Variants in ITPR1 observed in about 807,000 individuals in gnomAD.
ITPR1 encodes inositol 1,4,5-trisphosphate-gated calcium channel ITPR1.
Under a neutral mutation model 318.4 loss-of-function variants are expected in ITPR1, and 96 were observed. The ratio of observed to expected loss-of-function variants is 0.30; its 90% CI spans 0.26 to 0.36. The LOEUF (loss-of-function observed/expected upper bound fraction) is 0.36. Among genes scored for constraint, ITPR1 ranks in the 10% least tolerant of loss-of-function variants. The pLI, the probability that ITPR1 is intolerant of heterozygous loss-of-function variation, is 1.00. For synonymous variants in ITPR1, 1,312 were observed against 1,289.9 expected (o/e 1.02, Z -0.37); for missense variants, 2,440 against 3,460.2 (o/e 0.71, Z 7.40).
intron 37 of ITPR1, among the ~76,000 whole-genome samples, chr3:4,708,625 A>G (rs2094807624): frequency 1.3e-5 from 2 of 152,236 alleles, no homozygotes; most frequent in Admixed American, 6.5e-5. Context: ...ACTATCTGCA[A>G]TCAAACATGC....
At chr3:4,519,340 C>T (rs1420403358) in intron 3 of ITPR1, among the ~76,000 whole-genome samples, 1 of 152,210 alleles carries the variant, frequency 6.6e-6, no homozygotes, top group Non-Finnish European at 1.5e-5. Flanking sequence ...AATTCATCTG[C>T]CTCAGCCTCC....
At chr3:4,633,704 T>C (rs900250296) in intron 5 of ITPR1, among the ~76,000 whole-genome samples, 1 of 152,228 alleles carries the variant, frequency 6.6e-6, no homozygotes, top group Non-Finnish European at 1.5e-5. Context: ...GCAAATCACA[T>C]AAATTTCTTC....
intron 4 of ITPR1, among the ~76,000 whole-genome samples, chr3:4,538,468 C>T (rs1341486900): frequency 6.6e-6 from 1 of 152,178 alleles, no homozygotes; most frequent in African/African-American, 2.4e-5. Context: ...TTAGTTCAAT[C>T]ATCATGGAAG....
chr3:4,812,874 AG>A (rs2049030566), intron 56 of ITPR1, among the ~76,000 whole-genome samples: 1 of 152,180 alleles, frequency 6.6e-6, no homozygotes, highest in Non-Finnish European at 1.5e-5. Context: ...TCTGTCTAAG[AG>A]TTTCAGCTGT....
Position 4,766,604 on chromosome 3 carries a change from G to T in ITPR1, c.5619G>T (p.Lys1873Asn). 1 of 1,613,796 alleles carries T rather than the reference G, an allele frequency of 6.2e-7. No individual in the cohort carries two copies. Among genetic ancestry groups the T allele is most frequent in the South Asian group, 1.1e-5 (1 of 91,080 alleles). ...KFFKVFYDRM[K>N]VAQQEIKATV... ...TTAAGGTGTTTTATGACCGGATGAA[G>T]GTGGCCCAGCAAGAAATCAAAGCAA... Residue 1873 changes from lysine to asparagine, a missense_variant, in exon 45 of 62, where the codon AAG (lysine) becomes AAT (asparagine). Lys to Asn is a moderately conservative substitution (Grantham distance 94). This residue lies in a region of ITPR1 where 80 missense variants were observed against 122.0 expected (regional missense o/e 0.66). Transcript: ENST00000649015.
intron 33 of ITPR1, 22 bp downstream of exon 33, chr3:4,693,763 G>A (rs935479625): frequency 1.2e-6 from 2 of 1,600,344 alleles, no homozygotes; most frequent in Non-Finnish European, 1.7e-6. Context: ...CAGCCTGGCT[G>A]TGCCCTTCTC....
chr3:4,628,198 G>T (rs1216247992), intron 5 of ITPR1, among the ~76,000 whole-genome samples: 1 of 152,180 alleles, frequency 6.6e-6, no homozygotes, highest in African/African-American at 2.4e-5. Context: ...AGCAACTGGT[G>T]CTCTTGGGCA....
intron 6 of ITPR1, among the ~76,000 whole-genome samples, chr3:4,641,507 G>A (rs959579699): frequency 6.6e-6 from 1 of 152,160 alleles, no homozygotes; most frequent in Non-Finnish European, 1.5e-5. Flanking sequence ...CTCCTGAGTA[G>A]CAGGGACTCC....
chr3:4,672,088 A>G (rs1324597996), intron 20 of ITPR1, among the ~76,000 whole-genome samples: 2 of 152,136 alleles, frequency 1.3e-5, no homozygotes, highest in Admixed American at 6.5e-5. Context: ...TCGCTGTTTG[A>G]TATTTGATCA....
intron 15 of ITPR1, 101 bp from the exon 16 acceptor site, chr3:4,662,964 C>G: frequency 1.0e-6 from 1 of 967,792 alleles, no homozygotes; most frequent in Non-Finnish European, 1.6e-6. Flanking sequence ...TGGGTCTGCC[C>G]CTGTTTAACT....
rs763240392 is a variant in ITPR1 at position 4,779,501 on chromosome 3, C to G, written c.6292-49C>G. On this transcript the variant is annotated intron_variant, in intron 48 of 61. Transcript: ENST00000649015. The surrounding 1 kb of genome is among the most constrained non-coding windows in gnomAD (Gnocchi z 4.0). Reference sequence around the variant, plus strand: ...AGTTGGCACCTGCATTCAGGCCGGGCCCCCAAGCAGCCCCTCTACATTTCC... The same window carrying G: ...AGTTGGCACCTGCATTCAGGCCGGGGCCCCAAGCAGCCCCTCTACATTTCC... 2.8e-5 allele frequency: 40 copies of G among 1,425,076 alleles called. No individual in the cohort carries two copies. The highest frequency in any genetic ancestry group is 3.8e-5 in the Non-Finnish European group (38 of 1,010,592). 88.3% of individuals were successfully genotyped at this position (1,425,076 alleles called of 1,614,324 possible). A position where few individuals can be genotyped will look rare whatever the true frequency, so the allele number is the denominator to read the frequency against.
chr3:4,589,414 C>T (rs2090196291), intron 4 of ITPR1, among the ~76,000 whole-genome samples: 1 of 152,118 alleles, frequency 6.6e-6, no homozygotes, highest in African/African-American at 2.4e-5. Context: ...TCTGTGGAGC[C>T]AGCAACATTG....
intron 4 of ITPR1, among the ~76,000 whole-genome samples, chr3:4,612,823 G>A (rs113242336): frequency 0.12 from 18,173 of 152,142 alleles, 1,644 homozygotes; most frequent in East Asian, 0.43. Context: ...GGAGGCGGAG[G>A]TTGCAGTGAG....
rs2094124729 is a variant in ITPR1 at position 4,673,392 on chromosome 3, G to A, written c.2456+5G>A. ...CTCGGAGATCGCCATTGACGAGTGAGCCTGGCACCTGAAAACCTCACTTTA... is the reference window on the plus strand; with the variant it reads ...CTCGGAGATCGCCATTGACGAGTGAACCTGGCACCTGAAAACCTCACTTTA... On this transcript the variant is annotated splice_donor_5th_base_variant and intron_variant, in intron 21 of 61. Transcript: ENST00000649015. 6.3e-7 allele frequency: 1 copy of A among 1,596,164 alleles called. No individual in the cohort carries two copies.
At chr3:4,782,549 A>C in intron 49 of ITPR1, 70 bp from the exon 50 acceptor site, 16 of 1,458,726 alleles carry the variant, frequency 1.1e-5, no homozygotes, top group African/African-American at 1.4e-5. Context: ...GCCAGTGTGC[A>C]TGCTGTCCAT....
At chr3:4,844,077 T>C (rs1575452540) in intron 61 of ITPR1, among the ~76,000 whole-genome samples, 2 of 151,840 alleles carry the variant, frequency 1.3e-5, no homozygotes, top group Non-Finnish European at 2.9e-5. Context: ...GCTTTAAATA[T>C]AAGCTTTGAG....
rs118179475 is a variant in ITPR1, at chr3:4,694,674, A to G, written c.4281+933A>G. On this transcript the variant is annotated intron_variant, in intron 33 of 61. Transcript: ENST00000649015. Reference sequence around the variant, plus strand: ...GACTGTCTCAGTACCGAAGGCAATTATAACACAATTGTATTTGTGTATGTA... The same window carrying G: ...GACTGTCTCAGTACCGAAGGCAATTGTAACACAATTGTATTTGTGTATGTA... 1.2e-4 allele frequency among the ~76,000 whole-genome samples: 19 copies of G among 152,346 alleles called. No homozygotes were observed. In the East Asian group the frequency reaches 3.5e-3, roughly 28 times the overall value.
intron 37 of ITPR1, among the ~76,000 whole-genome samples, chr3:4,708,068 C>G (rs768800623): frequency 6.6e-6 from 1 of 152,024 alleles, no homozygotes; most frequent in African/African-American, 2.4e-5. Flanking sequence ...CTAATTTTGT[C>G]TGAGGTTAGG....
intron 4 of ITPR1, among the ~76,000 whole-genome samples, chr3:4,577,693 C>T (rs574520096): frequency 1.8e-4 from 28 of 152,252 alleles, no homozygotes; most frequent in African/African-American, 6.5e-4. Flanking sequence ...GATGGAAAGT[C>T]GTGTCCTCTG....
Sources: allele counts gnomAD v4.1 joint callset (sites outside exome capture counted in the v4.1 genomes callset), GRCh38; gene constraint gnomAD v4.1.1; regional missense constraint gnomAD v4.1.1; non-coding constraint Gnocchi (gnomAD v3.1); transcripts MANE v1.5; gene names NCBI Gene and HGNC (gene_info 2026-07-23, HGNC 2026-07-21).